Variants in NRXN3 observed in about 807,000 individuals in gnomAD.
NRXN3 encodes the protein neurexin III.
NRXN3 carries 32 observed loss-of-function variants against 137.6 expected under a neutral mutation model. The ratio of observed to expected loss-of-function variants is 0.23; its 90% CI spans 0.18 to 0.31. NRXN3 has a LOEUF of 0.31. Ranked by LOEUF, NRXN3 falls within the 10% of genes least tolerant of loss-of-function variation. The probability of loss-of-function intolerance (pLI) is 1.00; values close to 1 mark genes in which losing one functional copy is unlikely to be tolerated. For synonymous variants in NRXN3, 798 were observed against 784.5 expected, an observed-to-expected ratio of 1.02 and a Z score of -0.29; for missense variants, 1,574 against 2,062.5, an observed-to-expected ratio of 0.76 and a Z score of 4.59.
At chr14:79,416,339 G>C (rs867396557) in intron 15 of NRXN3, among the ~76,000 whole-genome samples, 3 of 152,000 alleles carry the variant, frequency 2.0e-5, no homozygotes, top group Non-Finnish European at 4.4e-5. Context: ...CTCTTTTTAA[G>C]GGTAAATAAA....
intron 2 of NRXN3, among the ~76,000 whole-genome samples, chr14:78,247,697 T>G (rs913135599): frequency 2.6e-5 from 4 of 152,230 alleles, no homozygotes; most frequent in Admixed American, 6.5e-5. Flanking sequence ...TGGGCAGCCT[T>G]GAAGCTCAGT....
intron 6 of NRXN3, among the ~76,000 whole-genome samples, chr14:78,687,801 C>T (rs2098136728): frequency 6.6e-6 from 1 of 152,190 alleles, no homozygotes; most frequent in Non-Finnish European, 1.5e-5. Context: ...AACACTTCTG[C>T]TCAAACTAAT....
chr14:79,432,285 C>A (rs2095772741), intron 15 of NRXN3, among the ~76,000 whole-genome samples: 1 of 152,044 alleles, frequency 6.6e-6, no homozygotes, highest in African/African-American at 2.4e-5. Flanking sequence ...CCTACTTCAC[C>A]TTTGACCAAC....
intron 4 of NRXN3, among the ~76,000 whole-genome samples, chr14:78,356,104 AT>A (rs1353347726): frequency 6.6e-6 from 1 of 152,196 alleles, no homozygotes; most frequent in Admixed American, 6.5e-5. Context: ...GGAAAGGCCA[AT>A]TGTTGACACA....
intron 5 of NRXN3, among the ~76,000 whole-genome samples, chr14:78,648,314 C>T (rs1268079603): frequency 1.3e-5 from 2 of 152,138 alleles, no homozygotes; most frequent in East Asian, 3.9e-4. Context: ...TTTGTTAAAT[C>T]ACAAACACAA....
At chr14:79,221,969 A>G (rs2069793792) in intron 15 of NRXN3, among the ~76,000 whole-genome samples, 1 of 152,144 alleles carries the variant, frequency 6.6e-6, no homozygotes, top group Non-Finnish European at 1.5e-5. Context: ...TTTTCTGCGT[A>G]TGGCTAGCCA....
chr14:78,835,843 A>G (rs1036816165), intron 10 of NRXN3, among the ~76,000 whole-genome samples: 1 of 152,140 alleles, frequency 6.6e-6, no homozygotes, highest in African/African-American at 2.4e-5. Flanking sequence ...AGTCTATGCT[A>G]TGTAGAAAAT....
chr14:78,388,908 T>TTTATATATA (rs1279158374), intron 4 of NRXN3, among the ~76,000 whole-genome samples: 1 of 152,120 alleles, frequency 6.6e-6, no homozygotes, highest in Non-Finnish European at 1.5e-5. Context: ...TTCATCATTT[T>TTTATATATA]TTATATATAT....
At chr14:79,025,801 A>G (rs2099597066) in intron 15 of NRXN3, among the ~76,000 whole-genome samples, 1 of 152,190 alleles carries the variant, frequency 6.6e-6, no homozygotes, top group African/African-American at 2.4e-5. Flanking sequence ...GAGGTTGAAG[A>G]CATTAAGTAA....
At chr14:79,814,732 T>G (rs894858810) in intron 20 of NRXN3, among the ~76,000 whole-genome samples, 6 of 152,174 alleles carry the variant, frequency 3.9e-5, no homozygotes, top group Non-Finnish European at 7.3e-5. Flanking sequence ...GGAAGATGTT[T>G]TTCGGGAATT....
chr14:78,268,567 T>G (rs1394484891), intron 2 of NRXN3, among the ~76,000 whole-genome samples: 1 of 152,164 alleles, frequency 6.6e-6, no homozygotes, highest in Non-Finnish European at 1.5e-5. Context: ...TAGATTTGGG[T>G]GGTGAGACCA....
At chr14:78,275,716 G>A (rs1415784820) in intron 2 of NRXN3, among the ~76,000 whole-genome samples, 2 of 152,144 alleles carry the variant, frequency 1.3e-5, no homozygotes, top group Non-Finnish European at 2.9e-5. Flanking sequence ...CCTGGACTGA[G>A]TCACATGACT....
intron 15 of NRXN3, among the ~76,000 whole-genome samples, chr14:79,233,381 C>A (rs2072604339): frequency 6.6e-6 from 1 of 152,116 alleles, no homozygotes. Context: ...TAAGTTCATT[C>A]ACATGCACTC....
At chr14:78,245,572 AC>A (rs2067553625) in intron 2 of NRXN3, among the ~76,000 whole-genome samples, 1 of 151,898 alleles carries the variant, frequency 6.6e-6, no homozygotes, top group Non-Finnish European at 1.5e-5. Context: ...GAACATCCCA[AC>A]CCCTAAAGCA....
chr14:78,360,551 AGCCCTGGGT>A (rs2084962656), intron 4 of NRXN3, among the ~76,000 whole-genome samples: 1 of 152,156 alleles, frequency 6.6e-6, no homozygotes, highest in Non-Finnish European at 1.5e-5. Flanking sequence ...CTACCCATGT[AGCCCTGGGT>A]GCCTAGTTTC....
chr14:78,419,986 C>A (rs1374126935), intron 4 of NRXN3, among the ~76,000 whole-genome samples: 1 of 150,118 alleles, frequency 6.7e-6, no homozygotes, highest in South Asian at 2.1e-4. Context: ...CACACACACA[C>A]GTAAAGTCCT....
At chr14:79,230,922 A>T (rs1213824615) in intron 15 of NRXN3, among the ~76,000 whole-genome samples, 2 of 152,112 alleles carry the variant, frequency 1.3e-5, no homozygotes, top group African/African-American at 4.8e-5. Context: ...CCCTTTTCTT[A>T]GCATACAAGA....
At chr14:79,160,135 G>C (rs1010035766) in intron 15 of NRXN3, among the ~76,000 whole-genome samples, 1 of 151,974 alleles carries the variant, frequency 6.6e-6, no homozygotes, top group South Asian at 2.1e-4. Context: ...CTTCTTCAGA[G>C]GTGCTTATGA....
At chr14:78,858,684 C>A (rs1447875768) in intron 10 of NRXN3, among the ~76,000 whole-genome samples, 1 of 152,138 alleles carries the variant, frequency 6.6e-6, no homozygotes, top group African/African-American at 2.4e-5. Context: ...ATTTGACGTA[C>A]GTTTAAGTTC....
Sources: allele counts gnomAD v4.1 joint callset (sites outside exome capture counted in the v4.1 genomes callset), GRCh38; gene constraint gnomAD v4.1.1; transcripts MANE v1.5; gene names NCBI Gene and HGNC (gene_info 2026-07-23, HGNC 2026-07-21).